Variants in MGAT4D observed in about 807,000 individuals in gnomAD.
MGAT4D encodes MGAT4 family member D.
In MGAT4D, 34 loss-of-function variants were observed where a neutral mutation model predicts 15.9. That is an observed-to-expected ratio of 2.14 (90% CI 1.62 to 2.84). The LOEUF is 2.84. Among genes scored for constraint, MGAT4D ranks in the 30% most tolerant of loss-of-function variants. The pLI is 0.00. For synonymous variants in MGAT4D, 112 were observed against 48.2 expected (o/e 2.33, Z -5.49); for missense variants, 327 against 140.2 (o/e 2.33, Z -6.73).
In MGAT4D at chr4:140,444,887, C is replaced by CTT. The variant is rs34468438; in HGVS notation, c.1117-1445_1117-1444dup. On this transcript the variant is annotated intron_variant, in intron 10 of 10. Coordinates refer to ENST00000511113, the MANE Select transcript of MGAT4D (RefSeq NM_001277353.2). Reference sequence around the variant, plus strand: ...CTCACCAGCATCTTTTATTTTTTGCCTTTTTTTTTTTGATATGGAGTTCTG... The same window carrying CTT: ...CTCACCAGCATCTTTTATTTTTTGCCTTTTTTTTTTTTTGATATGGAGTTCTG... Among the ~76,000 whole-genome samples, 803 of 146,180 alleles carry CTT rather than the reference C, an allele frequency of 5.5e-3. 6 individuals are homozygous for CTT. The highest frequency in any genetic ancestry group is 0.015 in the African/African-American group (583 of 40,122).
At chr4:140,490,709 T>C (rs922405464) in intron 1 of MGAT4D, among the ~76,000 whole-genome samples, 4 of 152,250 alleles carry the variant, frequency 2.6e-5, no homozygotes, top group African/African-American at 7.2e-5. Context: ...GGCTTCTGTA[T>C]ACATTGGGCC....
chr4:140,480,728 AACACACACACACACACACACACAC>A (rs10615827), intron 2 of MGAT4D, among the ~76,000 whole-genome samples: 46 of 125,686 alleles, frequency 3.7e-4, no homozygotes, highest in African/African-American at 1.1e-3. Flanking sequence ...CTCATCTCTA[AACACACACACACACACACACACAC>A]ACACACACAC....
intron 4 of MGAT4D, among the ~76,000 whole-genome samples, chr4:140,472,111 A>C (rs1732004345): frequency 6.6e-6 from 1 of 152,110 alleles, no homozygotes; most frequent in Non-Finnish European, 1.5e-5. Context: ...GATTACATAA[A>C]ATATTATATA....
intron 9 of MGAT4D, among the ~76,000 whole-genome samples, chr4:140,455,972 G>C (rs1422132259): frequency 1.3e-5 from 2 of 151,958 alleles, no homozygotes; most frequent in Non-Finnish European, 1.5e-5. Flanking sequence ...ACCTGTCTCT[G>C]CATAAAATAC....
intron 9 of MGAT4D, among the ~76,000 whole-genome samples, chr4:140,452,704 C>T (rs1220504676): frequency 6.6e-6 from 1 of 152,134 alleles, no homozygotes; most frequent in Non-Finnish European, 1.5e-5. Flanking sequence ...TTCTCCTAGT[C>T]TGTGGTGTCT....
chr4:140,486,989 T>C (rs1733179311), intron 1 of MGAT4D, among the ~76,000 whole-genome samples: 1 of 152,208 alleles, frequency 6.6e-6, no homozygotes, highest in African/African-American at 2.4e-5. Flanking sequence ...TGTGGGTTTC[T>C]ACATTGTAGG....
chr4:140,445,795 C>T (rs530866339), intron 10 of MGAT4D, among the ~76,000 whole-genome samples: 45 of 152,250 alleles, frequency 3.0e-4, no homozygotes, highest in African/African-American at 1.1e-3. Context: ...AGTCTTTTCC[C>T]CCATTGCTTG....
At chr4:140,458,273 C>T (rs1195678453) in intron 8 of MGAT4D, 1 of 152,026 alleles carries the variant, frequency 6.6e-6, no homozygotes, top group Non-Finnish European at 1.5e-5. Flanking sequence ...GATAAGTCAT[C>T]ACTTCTTTCA....
chr4:140,462,039 CATT>C (rs1246015795), intron 6 of MGAT4D, 35 bp from the exon 7 acceptor site: 25 of 688,668 alleles, frequency 3.6e-5, no homozygotes, highest in East Asian at 2.4e-4. Context: ...TAATATTTGT[CATT>C]ATTAATTTTT....
intron 10 of MGAT4D, 146 bp from the exon 11 acceptor site, chr4:140,443,590 A>G (rs950424506): frequency 1.2e-4 from 38 of 312,392 alleles, no homozygotes; most frequent in African/African-American, 7.6e-4. Flanking sequence ...AGAGAAGGTA[A>G]CTTTATATTG....
intron 10 of MGAT4D, 33 bp downstream of exon 10, chr4:140,451,377 G>T: frequency 1.8e-6 from 1 of 553,254 alleles, no homozygotes; most frequent in South Asian, 2.5e-5. Flanking sequence ...ATAAAACATT[G>T]TATGTTACTA....
At chr4:140,448,526 T>C (rs1052344313) in intron 10 of MGAT4D, among the ~76,000 whole-genome samples, 4 of 152,214 alleles carry the variant, frequency 2.6e-5, no homozygotes, top group Admixed American at 1.3e-4. Flanking sequence ...GATATTCTTG[T>C]AGTGTGTTTT....
chr4:140,483,177 G>A (rs1467125249), intron 1 of MGAT4D, among the ~76,000 whole-genome samples: 4 of 152,094 alleles, frequency 2.6e-5, no homozygotes, highest in African/African-American at 9.7e-5. Flanking sequence ...TAGTGCTGAT[G>A]CACATAAACT....
intron 1 of MGAT4D, among the ~76,000 whole-genome samples, chr4:140,487,353 T>C (rs946624700): frequency 3.9e-5 from 6 of 152,310 alleles, no homozygotes; most frequent in African/African-American, 1.2e-4. Context: ...CTTCTGCACA[T>C]TAAAAATAGG....
At chr4:140,449,385 A>G (rs1002089590) in intron 10 of MGAT4D, among the ~76,000 whole-genome samples, 1 of 152,198 alleles carries the variant, frequency 6.6e-6, no homozygotes, top group Non-Finnish European at 1.5e-5. Context: ...TTATTTTTTG[A>G]ACTACAAGCT....
chr4:140,463,411 G>A (rs1731322847), intron 6 of MGAT4D, among the ~76,000 whole-genome samples: 1 of 152,066 alleles, frequency 6.6e-6, no homozygotes, highest in Non-Finnish European at 1.5e-5. Context: ...AGGTGCGAAG[G>A]TGTGGGCAGG....
chr4:140,479,533 A>G lies in MGAT4D; in HGVS notation c.348T>C (p.Gly116=). The stretch of plus-strand genomic sequence containing the variant: ...CAATGATTACATCAGGATAAATTCT[A>G]CCTTCTTTCCTTAGATGAGGAAAAA... ...KFFFPHLRKE[G]RIYPDVIIGK... The change falls in exon 3 of 11, where the codon GGT becomes GGC. Residue 116 remains glycine, a synonymous_variant. Coordinates refer to ENST00000511113, the MANE Select transcript of MGAT4D (RefSeq NM_001277353.2). 1 of 557,116 alleles carries G rather than the reference A, an allele frequency of 1.8e-6. No homozygotes were observed. Among genetic ancestry groups the G allele is most frequent in the South Asian group, 2.4e-5 (1 of 41,322 alleles). The allele number at this position is 557,116 out of a possible 1,614,324, so 34.5% of individuals were successfully genotyped here.
Position 140,464,974 on chromosome 4 carries a change from A to C in MGAT4D, c.608T>G (p.Val203Gly), listed in dbSNP as rs1190854562. Residue 203 changes from valine (V) to glycine (G), a missense_variant, in exon 6 of 11, where the codon GTC becomes GGC. Physicochemically the swap from Val to Gly is moderately radical, Grantham distance 109. Transcript: ENST00000511113. ...KRQVRSGSLE[V>G]ISIPAFLYSS... The stretch of plus-strand genomic sequence containing the variant: ...GTATAAAAAGGCAGGTATTGAAATG[A>C]CCTCTAAGGATCCAGACCTCACTTG... 1.4e-6 allele frequency: 1 copy of C among 702,674 alleles called. No homozygotes were observed. The highest frequency in any genetic ancestry group is 1.7e-5 in the African/African-American group (1 of 57,264). 43.5% of individuals were successfully genotyped at this position (702,674 alleles called of 1,614,324 possible). A position where few individuals can be genotyped will look rare whatever the true frequency, so the allele number is the denominator to read the frequency against.
Position 140,474,962 on chromosome 4 carries a change from T to A in MGAT4D, c.392-16A>T. 1 of 651,852 alleles carries A rather than the reference T, an allele frequency of 1.5e-6. No individual in the cohort carries two copies. The highest frequency in any genetic ancestry group is 2.7e-6 in the Non-Finnish European group (1 of 363,782). 40.4% of individuals were successfully genotyped at this position (651,852 alleles called of 1,614,324 possible). A position where few individuals can be genotyped will look rare whatever the true frequency, so the allele number is the denominator to read the frequency against. ...GCAAAAGAAACTGTGGACATAGGAG[T>A]ATGAAATCATCATTCCATACCACAG... On this transcript the variant is annotated splice_polypyrimidine_tract_variant and intron_variant, in intron 3 of 10. Transcript: ENST00000511113.
Sources: allele counts gnomAD v4.1 joint callset (sites outside exome capture counted in the v4.1 genomes callset), GRCh38; gene constraint gnomAD v4.1.1; transcripts MANE v1.5; gene names NCBI Gene and HGNC (gene_info 2026-07-23, HGNC 2026-07-21).